The following PBLD variants were observed in gnomAD, a reference collection of about 807,000 sequenced individuals.
The protein encoded by PBLD is phenazine biosynthesis like protein domain containing, also known as phenazine biosynthesis-like domain-containing protein.
Under a neutral mutation model 31.3 loss-of-function variants are expected in PBLD, and 26 were observed. The ratio of observed to expected loss-of-function variants is 0.83; its 90% CI spans 0.61 to 1.15. The LOEUF (loss-of-function observed/expected upper bound fraction) is 1.15. Ranked by LOEUF, PBLD falls within the 50% of genes most tolerant of loss-of-function variation. PBLD has a pLI of 0.00. For synonymous variants in PBLD, 114 were observed against 129.0 expected (o/e 0.88, Z 0.79); for missense variants, 307 against 351.7 (o/e 0.87, Z 1.02).
chr10:68,309,768 C>T (rs1243333800), intron 1 of PBLD, among the ~76,000 whole-genome samples: 2 of 145,954 alleles, frequency 1.4e-5, no homozygotes, highest in African/African-American at 2.6e-5. Flanking sequence ...GATCACGCCA[C>T]TGCTCTCCAG....
intron 2 of PBLD, among the ~76,000 whole-genome samples, chr10:68,298,980 G>A (rs1053909171): frequency 6.6e-6 from 1 of 151,642 alleles, no homozygotes; most frequent in African/African-American, 2.4e-5. Flanking sequence ...GGTGGCACGC[G>A]CCTGTAATCC....
intron 1 of PBLD, among the ~76,000 whole-genome samples, chr10:68,314,962 G>A (rs1001105693): frequency 6.6e-6 from 1 of 151,908 alleles, no homozygotes; most frequent in Non-Finnish European, 1.5e-5. Flanking sequence ...GCTAGGTTTT[G>A]TATTTTTAGT....
chr10:68,312,093 T>C (rs2044676965), intron 1 of PBLD, among the ~76,000 whole-genome samples: 1 of 152,244 alleles, frequency 6.6e-6, no homozygotes, highest in Non-Finnish European at 1.5e-5. Flanking sequence ...TCTTTATCCA[T>C]TCATTGAGGA....
chr10:68,328,508 T>G (rs909257659), intron 1 of PBLD, among the ~76,000 whole-genome samples: 5 of 152,210 alleles, frequency 3.3e-5, no homozygotes, highest in African/African-American at 1.2e-4. Flanking sequence ...GTACTTCTAT[T>G]TCCTTCTCCT....
chr10:68,327,944 A>G (rs539196240), intron 1 of PBLD, among the ~76,000 whole-genome samples: 1 of 152,164 alleles, frequency 6.6e-6, no homozygotes, highest in Non-Finnish European at 1.5e-5. Context: ...TTGAGTTTTC[A>G]TTTGTTTACT....
At chr10:68,293,676 C>G (rs2134439855) in intron 4 of PBLD, among the ~76,000 whole-genome samples, 1 of 152,272 alleles carries the variant, frequency 6.6e-6, no homozygotes, top group South Asian at 2.1e-4. Flanking sequence ...TTCCAAACCT[C>G]AGCATCAAAC....
intron 6 of PBLD, among the ~76,000 whole-genome samples, chr10:68,289,419 C>A (rs1044568174): frequency 6.6e-6 from 1 of 151,894 alleles, no homozygotes; most frequent in African/African-American, 2.4e-5. Context: ...CTCAGCTACT[C>A]GGGAGGCTGA....
rs1589651274 is a variant in PBLD at position 68,293,954 on chromosome 10, G to A, written c.284-1716C>T. 2.0e-5 allele frequency among the ~76,000 whole-genome samples: 3 copies of A among 152,004 alleles called. No homozygotes were observed. The South Asian group carries it at 6.2e-4, about 32-fold the overall frequency. ...CTTGCCATTGCACTCCAGCCTGGGT[G>A]ACAAGAGCAAAACTCCATCTCAAAA... On this transcript the variant is annotated intron_variant, in intron 4 of 9. Coordinates refer to ENST00000358769, the MANE Select transcript of PBLD (RefSeq NM_022129.4).
intron 1 of PBLD, among the ~76,000 whole-genome samples, chr10:68,319,082 AGAAAGAAAGAAAGAAAGAAAGAAAGAAAG>A (rs1564737463): frequency 2.3e-5 from 3 of 131,590 alleles, no homozygotes; most frequent in African/African-American, 9.5e-5. Flanking sequence ...AAAGAAAGAA[AGAAAGAAAGAAAGAAAGAAAGAAAGAAAG>A]GAAAAAGAAA....
chr10:68,289,896 C>CTCCAGCTGGATTGA (rs2044336789), intron 6 of PBLD, among the ~76,000 whole-genome samples: 2 of 152,150 alleles, frequency 1.3e-5, no homozygotes, highest in Admixed American at 6.6e-5. Flanking sequence ...GAAGGAGGGA[C>CTCCAGCTGGATTGA]TAGAGGGCTC....
intron 1 of PBLD, among the ~76,000 whole-genome samples, chr10:68,319,468 A>C (rs1301820734): frequency 6.6e-6 from 1 of 152,214 alleles, no homozygotes; most frequent in African/African-American, 2.4e-5. Context: ...GGATTGCTTG[A>C]GGCCAAAAGT....
At chr10:68,324,489 GA>G (rs1179086656) in intron 1 of PBLD, among the ~76,000 whole-genome samples, 4 of 151,296 alleles carry the variant, frequency 2.6e-5, no homozygotes, top group African/African-American at 9.7e-5. Flanking sequence ...ATTTCTTAAA[GA>G]GAGCCTCCTG....
chr10:68,284,075 AG>A lies in PBLD; in HGVS notation c.*101del. 9.0e-7 allele frequency: 1 copy of A among 1,115,026 alleles called. No individual in the cohort carries two copies. The highest frequency in any genetic ancestry group is 1.3e-6 in the Non-Finnish European group (1 of 763,534). 69.1% of individuals were successfully genotyped at this position (1,115,026 alleles called of 1,614,324 possible). On this transcript the variant is annotated 3_prime_UTR_variant, in exon 10 of 10. Coordinates refer to ENST00000358769, the MANE Select transcript of PBLD (RefSeq NM_022129.4). The stretch of plus-strand genomic sequence containing the variant: ...TTTTCGATTTTTAACATGAGGATTA[AG>A]TAGACTACTACGCACATTTGCTAAA...
chr10:68,307,619 C>T (rs1286077235), intron 1 of PBLD, among the ~76,000 whole-genome samples: 2 of 152,080 alleles, frequency 1.3e-5, no homozygotes, highest in African/African-American at 4.8e-5. Flanking sequence ...CCTGCCTCAG[C>T]CTCCCGAGTA....
At chr10:68,292,378 G>A in intron 4 of PBLD, 140 bp from the exon 5 acceptor site, 1 of 675,652 alleles carries the variant, frequency 1.5e-6, no homozygotes. Context: ...GGTTGCTGAG[G>A]TCTAGAATGG....
chr10:68,316,281 A>G (rs2044735248), intron 1 of PBLD, among the ~76,000 whole-genome samples: 1 of 152,152 alleles, frequency 6.6e-6, no homozygotes, highest in Non-Finnish European at 1.5e-5. Flanking sequence ...AAGAATATTA[A>G]TAAAGAAATT....
At chr10:68,302,269 A>AGTGATGTT (rs1411749104) in intron 2 of PBLD, among the ~76,000 whole-genome samples, 13 of 152,210 alleles carry the variant, frequency 8.5e-5, no homozygotes, top group African/African-American at 2.7e-4. Flanking sequence ...GCAAAAACAG[A>AGTGATGTT]GTGATGTTTG....
rs1160622250 is a variant in PBLD at position 68,284,250 on chromosome 10, G to A, written c.794C>T (p.Ser265Phe). 1.9e-6 allele frequency: 3 copies of A among 1,613,968 alleles called. No homozygotes were observed. Among genetic ancestry groups the A allele is most frequent in the African/African-American group, 1.3e-5 (1 of 74,904 alleles). Residue 265 changes from serine to phenylalanine, a missense_variant, in exon 10 of 10, where the codon TCC (serine) becomes TTC (phenylalanine). Coordinates refer to ENST00000358769, the MANE Select transcript of PBLD (RefSeq NM_022129.4). ...CSHRGGELGI[S>F]LRPDGRVDIR... ...GTCAACCCTTCCGTCTGGACGAAGGGAAATTCCCAGCTCTCCTCCTCGGTG... is the reference window on the plus strand; with the variant it reads ...GTCAACCCTTCCGTCTGGACGAAGGAAAATTCCCAGCTCTCCTCCTCGGTG...
At chr10:68,327,019 T>C (rs1372199587) in intron 1 of PBLD, among the ~76,000 whole-genome samples, 1 of 151,654 alleles carries the variant, frequency 6.6e-6, no homozygotes, top group Non-Finnish European at 1.5e-5. Flanking sequence ...TGCACTCCAG[T>C]CTGGCGACAG....
Sources: gnomAD v4.1 joint callset for allele counts (sites outside exome capture counted in the v4.1 genomes callset) on GRCh38, gnomAD v4.1.1 for gene constraint, MANE v1.5 for transcripts, NCBI Gene and HGNC (gene_info 2026-07-23, HGNC 2026-07-21) for gene names.